Variants in CERS6 observed in about 807,000 individuals in gnomAD.
CERS6 encodes the protein ceramide synthase 6, also known as LAG1 homolog, ceramide synthase 6.
Under a neutral mutation model 56.8 loss-of-function variants are expected in CERS6, and 26 were observed. The observed-to-expected ratio is 0.46, with a 90% CI of 0.34 to 0.63. The LOEUF is 0.63. Among genes scored for constraint, CERS6 ranks in the 30% least tolerant of loss-of-function variants. The probability of loss-of-function intolerance (pLI) is 0.01; values close to 1 mark genes in which losing one functional copy is unlikely to be tolerated. For missense variants in CERS6, 415 were observed against 467.5 expected, an observed-to-expected ratio of 0.89 and a Z score of 1.04; for synonymous variants, 164 against 173.3, an observed-to-expected ratio of 0.95 and a Z score of 0.42.
chr2:168,639,341 C>A (rs559639398), intron 4 of CERS6, among the ~76,000 whole-genome samples: 1 of 152,150 alleles, frequency 6.6e-6, no homozygotes, highest in Non-Finnish European at 1.5e-5. Flanking sequence ...AAGTATTGAT[C>A]CATGTATCAA....
intron 3 of CERS6, among the ~76,000 whole-genome samples, chr2:168,620,062 C>CACATACATAT (rs1439012361): frequency 1.4e-5 from 1 of 70,028 alleles, no homozygotes; most frequent in Non-Finnish European, 3.0e-5. Context: ...CACACACACA[C>CACATACATAT]ATATTTATAT....
At chr2:168,750,804 A>G (rs1343106321) in intron 8 of CERS6, among the ~76,000 whole-genome samples, 1 of 152,204 alleles carries the variant, frequency 6.6e-6, no homozygotes, top group Non-Finnish European at 1.5e-5. Context: ...GCACATTTTG[A>G]CACGTATTGT....
chr2:168,763,169 C>A (rs982168514), intron 8 of CERS6, among the ~76,000 whole-genome samples: 3 of 151,338 alleles, frequency 2.0e-5, no homozygotes. Context: ...GAGGCAGTGC[C>A]TAGCCTCTCC....
chr2:168,572,878 G>T lies in CERS6; in HGVS notation c.407+11556G>T, dbSNP rs551734038. Among the ~76,000 whole-genome samples, 6 of 152,138 alleles carry T rather than the reference G, an allele frequency of 3.9e-5. No individual in the cohort carries two copies. In the South Asian group the frequency reaches 1.2e-3, roughly 32 times the overall value. ...AGCACAATGTCTGGTGCTTTGTAAG[G>T]CCCCCCAAAATGTCCAGTGAATGAG... On this transcript the variant is annotated intron_variant, in intron 3 of 9. Coordinates refer to ENST00000305747, the MANE Select transcript of CERS6 (RefSeq NM_203463.3).
At chr2:168,517,220 A>G (rs187048256) in intron 1 of CERS6, among the ~76,000 whole-genome samples, 34 of 151,926 alleles carry the variant, frequency 2.2e-4, no homozygotes, top group Admixed American at 7.9e-4. Context: ...GGCCGGGCAC[A>G]GTGGCTCATG....
At chr2:168,522,564 G>T (rs938909891) in intron 1 of CERS6, among the ~76,000 whole-genome samples, 1 of 151,464 alleles carries the variant, frequency 6.6e-6, no homozygotes, top group Non-Finnish European at 1.5e-5. Context: ...ACAGGGTCTC[G>T]CTCTGTTGCT....
rs779025823 is a variant in CERS6 at position 168,695,042 on chromosome 2, C to T, written c.600C>T (p.Ile200=). 38 of 1,611,600 alleles carry T rather than the reference C, an allele frequency of 2.4e-5. 1 individual carries two copies. The South Asian group carries it at 4.0e-4, about 17-fold the overall frequency. Reference sequence around the variant, plus strand: ...TGATGTTTTCTCAGTTCACTGATATCAAAAGAAAGGTAAGAGCGGTTATGT... The same window carrying T: ...TGATGTTTTCTCAGTTCACTGATATTAAAAGAAAGGTAAGAGCGGTTATGT... ...WSLMFSQFTD[I]KRKDFGIMFL... is the part of the protein sequence containing the mutation. Residue 200 remains isoleucine (I), a synonymous_variant, in exon 6 of 10, where the codon ATC becomes ATT. Transcript: ENST00000305747.
intron 4 of CERS6, among the ~76,000 whole-genome samples, chr2:168,680,360 A>C (rs926258903): frequency 6.6e-6 from 1 of 152,252 alleles, no homozygotes; most frequent in Non-Finnish European, 1.5e-5. Context: ...AACTTTTTTC[A>C]TCTGGAGAAT....
At chr2:168,682,144 G>A (rs943884631) in intron 4 of CERS6, among the ~76,000 whole-genome samples, 1 of 152,088 alleles carries the variant, frequency 6.6e-6, no homozygotes, top group Non-Finnish European at 1.5e-5. Flanking sequence ...CCGGTAGTTG[G>A]GTTGCTGGAT....
In CERS6 at chr2:168,774,879, A is replaced by T. The variant is rs1159809571; in HGVS notation, c.*5217A>T. The T allele has an allele frequency of 6.6e-6, 1 of 152,160 alleles. No homozygotes were observed. The allele number at this position is 152,160 out of a possible 1,614,324, so 9.4% of individuals were successfully genotyped here. A position where few individuals can be genotyped will look rare whatever the true frequency, so the allele number is the denominator to read the frequency against. On this transcript the variant is annotated 3_prime_UTR_variant, in exon 10 of 10. Coordinates refer to ENST00000305747, the MANE Select transcript of CERS6 (RefSeq NM_203463.3). ...TGGTGTTTGGATTTGATTTTTTTCA[A>T]CTTGCAGTGAGAAATAGGATAGGTG...
At chr2:168,741,275 T>C (rs966319844) in intron 8 of CERS6, among the ~76,000 whole-genome samples, 10 of 151,682 alleles carry the variant, frequency 6.6e-5, no homozygotes, top group African/African-American at 2.4e-4. Flanking sequence ...TTATTTTGAA[T>C]AGGGTTTATG....
chr2:168,491,845 C>T (rs945382292), intron 1 of CERS6, among the ~76,000 whole-genome samples: 3 of 152,152 alleles, frequency 2.0e-5, no homozygotes, highest in Non-Finnish European at 2.9e-5. Flanking sequence ...GTTCAGCTGC[C>T]ACTTACGAGT....
chr2:168,768,808 A>G (rs1266792026), intron 9 of CERS6, among the ~76,000 whole-genome samples: 1 of 151,170 alleles, frequency 6.6e-6, no homozygotes, highest in Non-Finnish European at 1.5e-5. Flanking sequence ...CGGGAGGCTA[A>G]GGCAGGAGAA....
chr2:168,531,919 A>G (rs527972032), intron 1 of CERS6, among the ~76,000 whole-genome samples: 20 of 152,226 alleles, frequency 1.3e-4, no homozygotes, highest in African/African-American at 4.1e-4. Context: ...GAGAACCAGC[A>G]CTTGCTGAAT....
chr2:168,715,672 C>A (rs564397428), intron 7 of CERS6, among the ~76,000 whole-genome samples: 63 of 152,104 alleles, frequency 4.1e-4, no homozygotes, highest in African/African-American at 1.2e-3. Flanking sequence ...GAATTGGTTA[C>A]TATTATTTAG....
intron 1 of CERS6, among the ~76,000 whole-genome samples, chr2:168,515,324 C>T (rs774886025): frequency 3.9e-5 from 6 of 151,966 alleles, no homozygotes; most frequent in South Asian, 2.1e-4. Flanking sequence ...TGTCCAAGCC[C>T]GGCATGTAAA....
At chr2:168,665,837 T>C (rs1387348506) in intron 4 of CERS6, among the ~76,000 whole-genome samples, 1 of 152,330 alleles carries the variant, frequency 6.6e-6, no homozygotes, top group African/African-American at 2.4e-5. Context: ...CAAGAAGTTA[T>C]ATACTCTGAA....
intron 1 of CERS6, among the ~76,000 whole-genome samples, chr2:168,486,600 A>G (rs937063750): frequency 2.7e-5 from 4 of 150,838 alleles, no homozygotes; most frequent in African/African-American, 9.7e-5. Context: ...TTTCCACGGA[A>G]TTGCCTTTGC....
chr2:168,592,152 A>C (rs888294042), intron 3 of CERS6, among the ~76,000 whole-genome samples: 2 of 152,250 alleles, frequency 1.3e-5, no homozygotes, highest in African/African-American at 2.4e-5. Flanking sequence ...TTGACTTACC[A>C]AAAGCCATAG....
Sources: gnomAD v4.1 joint callset for allele counts (sites outside exome capture counted in the v4.1 genomes callset) on GRCh38, gnomAD v4.1.1 for gene constraint, MANE v1.5 for transcripts, NCBI Gene and HGNC (gene_info 2026-07-23, HGNC 2026-07-21) for gene names.